The following ZBTB20 variants were observed in gnomAD, a reference collection of about 807,000 sequenced individuals.
ZBTB20 encodes the protein zinc finger and BTB domain containing 20, also known as zinc finger and BTB domain-containing protein 20.
Under a neutral mutation model 56.9 loss-of-function variants are expected in ZBTB20, and 9 were observed. That is an observed-to-expected ratio of 0.16 (90% CI 0.10 to 0.28). The LOEUF (loss-of-function observed/expected upper bound fraction) is 0.28. Ranked by LOEUF, ZBTB20 falls within the 10% of genes least tolerant of loss-of-function variation. The probability of loss-of-function intolerance (pLI) is 1.00; values close to 1 mark genes in which losing one functional copy is unlikely to be tolerated. For missense variants in ZBTB20, 655 were observed against 1,003.0 expected (o/e 0.65, Z 4.69); for synonymous variants, 417 against 420.7 (o/e 0.99, Z 0.11).
At chr3:114,384,120 CTCTCTCTCAT>C (rs2084760470) in intron 8 of ZBTB20, among the ~76,000 whole-genome samples, 1 of 149,380 alleles carries the variant, frequency 6.7e-6, no homozygotes, top group South Asian at 2.1e-4. Flanking sequence ...CTCTCTCTCT[CTCTCTCTCAT>C]TCTCTCTCTC....
At chr3:114,635,420 A>G (rs2059205584) in intron 6 of ZBTB20, among the ~76,000 whole-genome samples, 1 of 152,180 alleles carries the variant, frequency 6.6e-6, no homozygotes, top group Non-Finnish European at 1.5e-5. Flanking sequence ...TACAAGGAAC[A>G]CAAAGAGTCA....
At chr3:115,063,511 C>T (rs113151919) in intron 2 of ZBTB20, among the ~76,000 whole-genome samples, 5 of 152,270 alleles carry the variant, frequency 3.3e-5, no homozygotes, top group African/African-American at 1.2e-4. Context: ...TAATTACCTA[C>T]CAAAGGCCCC....
chr3:114,808,294 A>C (rs1242962213), intron 4 of ZBTB20, among the ~76,000 whole-genome samples: 1 of 152,030 alleles, frequency 6.6e-6, no homozygotes, highest in East Asian at 1.9e-4. Context: ...GAGGTCAACC[A>C]ATGATCAGTC....
intron 7 of ZBTB20, among the ~76,000 whole-genome samples, chr3:114,441,435 T>A (rs2090916510): frequency 6.6e-6 from 1 of 152,164 alleles, no homozygotes; most frequent in South Asian, 2.1e-4. Flanking sequence ...GAAACTGGCT[T>A]CGGTGATTTC....
intron 5 of ZBTB20, among the ~76,000 whole-genome samples, chr3:114,719,960 C>T (rs1407736682): frequency 2.6e-5 from 4 of 151,508 alleles, no homozygotes; most frequent in South Asian, 2.1e-4. Context: ...CCCATTTGCC[C>T]GGCAGATCTA....
intron 6 of ZBTB20, among the ~76,000 whole-genome samples, chr3:114,673,571 C>A (rs1053981225): frequency 6.6e-6 from 1 of 151,966 alleles, no homozygotes; most frequent in East Asian, 1.9e-4. Context: ...AAAAGGGAAA[C>A]AAAGGGTGAA....
chr3:114,565,729 C>T (rs567302073), intron 6 of ZBTB20, among the ~76,000 whole-genome samples: 5 of 152,080 alleles, frequency 3.3e-5, no homozygotes, highest in Non-Finnish European at 7.3e-5. Flanking sequence ...TACCTAATGT[C>T]ACTACTGCAT....
At chr3:114,994,444 T>C (rs1055725520) in intron 2 of ZBTB20, among the ~76,000 whole-genome samples, 3 of 151,928 alleles carry the variant, frequency 2.0e-5, no homozygotes, top group African/African-American at 7.2e-5. Context: ...CTTACTTTTT[T>C]CTCAGAGCAC....
intron 5 of ZBTB20, among the ~76,000 whole-genome samples, chr3:114,787,368 T>TATATATATACACAC (rs1433434685): frequency 9.4e-6 from 1 of 106,324 alleles, no homozygotes; most frequent in Non-Finnish European, 1.9e-5. Context: ...TATATATATA[T>TATATATATACACAC]ACACACACAC....
intron 2 of ZBTB20, among the ~76,000 whole-genome samples, chr3:115,013,617 A>G (rs1022991377): frequency 2.6e-4 from 40 of 151,692 alleles, no homozygotes; most frequent in Non-Finnish European, 8.9e-5. Context: ...AGAACACCCA[A>G]TCCTACTCAA....
chr3:114,540,870 C>A (rs895893591), intron 6 of ZBTB20, among the ~76,000 whole-genome samples: 11 of 151,952 alleles, frequency 7.2e-5, no homozygotes, highest in Non-Finnish European at 1.5e-5. Context: ...TATGTCAATT[C>A]CTTTTATCCT....
chr3:114,851,116 C>G (rs567926729), intron 4 of ZBTB20, among the ~76,000 whole-genome samples: 1 of 152,162 alleles, frequency 6.6e-6, no homozygotes, highest in Non-Finnish European at 1.5e-5. Flanking sequence ...TGTTTCTCTA[C>G]TTGGCTCCAC....
chr3:115,061,153 G>GT (rs2081997915), intron 2 of ZBTB20, among the ~76,000 whole-genome samples: 2 of 152,064 alleles, frequency 1.3e-5, no homozygotes, highest in African/African-American at 4.8e-5. Flanking sequence ...TTTACTTTCA[G>GT]TTAACACATC....
rs1559779539 is a variant in ZBTB20, at chr3:114,430,702, A to G, written c.-254-41597T>C. On this transcript the variant is annotated intron_variant, in intron 7 of 11. Transcript: ENST00000675478. The stretch of plus-strand genomic sequence containing the variant: ...GTTGCAAAGTTATCATGCAAAAATT[A>G]ATGCTAAAAACATAAAAAATACCCT... 1.3e-5 allele frequency among the ~76,000 whole-genome samples: 2 copies of G among 152,178 alleles called. 1 individual carries two copies. Among genetic ancestry groups the G allele is most frequent in the South Asian group, 4.1e-4 (2 of 4,830 alleles).
chr3:114,364,036 T>A (rs1014803751), intron 10 of ZBTB20, among the ~76,000 whole-genome samples: 4 of 147,708 alleles, frequency 2.7e-5, no homozygotes, highest in Non-Finnish European at 6.0e-5. Flanking sequence ...AATTAGCTAA[T>A]CCTTTCCCAA....
At chr3:114,374,882 C>T (rs2083435592) in intron 10 of ZBTB20, among the ~76,000 whole-genome samples, 1 of 152,174 alleles carries the variant, frequency 6.6e-6, no homozygotes, top group African/African-American at 2.4e-5. Context: ...ACAGGTGCCT[C>T]AGGAAGTTTT....
At chr3:114,785,725 T>C (rs1435348060) in intron 5 of ZBTB20, among the ~76,000 whole-genome samples, 1 of 152,162 alleles carries the variant, frequency 6.6e-6, no homozygotes, top group African/African-American at 2.4e-5. Flanking sequence ...TCAAGATTAT[T>C]AACATATCCA....
At chr3:114,768,075 A>C (rs1344503181) in intron 5 of ZBTB20, among the ~76,000 whole-genome samples, 12 of 152,112 alleles carry the variant, frequency 7.9e-5, no homozygotes, top group Admixed American at 7.9e-4. Context: ...TAATATGAAA[A>C]ACCATTGGCT....
At chr3:114,691,705 T>C (rs2108315643) in intron 6 of ZBTB20, among the ~76,000 whole-genome samples, 1 of 152,186 alleles carries the variant, frequency 6.6e-6, no homozygotes, top group East Asian at 1.9e-4. Flanking sequence ...ATAGAAAGTA[T>C]GATAACATCA....
Sources: gnomAD v4.1 joint callset for allele counts (sites outside exome capture counted in the v4.1 genomes callset) on GRCh38, gnomAD v4.1.1 for gene constraint, MANE v1.5 for transcripts, NCBI Gene and HGNC (gene_info 2026-07-23, HGNC 2026-07-21) for gene names.